Variants in ANP32E observed in about 807,000 individuals in gnomAD.
ANP32E encodes acidic leucine-rich nuclear phosphoprotein 32 family member E.
Under a neutral mutation model 35.3 loss-of-function variants are expected in ANP32E, and 14 were observed. The observed-to-expected ratio is 0.40, with a 90% confidence interval of 0.26 to 0.62. ANP32E has a LOEUF of 0.62. Ranked by LOEUF, ANP32E falls within the 20% of genes least tolerant of loss-of-function variation. The pLI is 0.45. For synonymous variants in ANP32E, 89 were observed against 110.4 expected, an observed-to-expected ratio of 0.81 and a Z score of 1.22; for missense variants, 198 against 304.4, an observed-to-expected ratio of 0.65 and a Z score of 2.60.
At chr1:150,234,090 T>A (rs1649577509) in intron 1 of ANP32E, among the ~76,000 whole-genome samples, 1 of 151,928 alleles carries the variant, frequency 6.6e-6, no homozygotes, top group Admixed American at 6.6e-5. Flanking sequence ...TATACAAATA[T>A]AAGAGACCGT....
intron 3 of ANP32E, 120 bp downstream of exon 3, chr1:150,230,451 G>T: frequency 3.1e-6 from 3 of 970,040 alleles, no homozygotes; most frequent in Non-Finnish European, 2.9e-6. Context: ...TAACTGCCTA[G>T]ATCACAACAT....
chr1:150,236,020 G>GCA lies in ANP32E; in HGVS notation c.-236_-235dup. On this transcript the variant is annotated 5_prime_UTR_variant, in exon 1 of 7. An upstream open reading frame in the 5' UTR gains an earlier in-frame stop. Coordinates refer to ENST00000583931, the MANE Select transcript of ANP32E (RefSeq NM_030920.5). ...CCTCCTTGTCCACACACTAGCGCGCGCACACACACGCACGCACGCGCGCAC... is the reference window on the plus strand; with the variant it reads ...CCTCCTTGTCCACACACTAGCGCGCGCACACACACACGCACGCACGCGCGCAC... 1 of 545,504 alleles carries GCA rather than the reference G, an allele frequency of 1.8e-6. No homozygotes were observed. The highest frequency in any genetic ancestry group is 2.1e-5 in the South Asian group (1 of 48,090). 33.8% of individuals were successfully genotyped at this position (545,504 alleles called of 1,614,324 possible).
chr1:150,230,995 G>A (rs1236450360), intron 2 of ANP32E, among the ~76,000 whole-genome samples: 2 of 151,982 alleles, frequency 1.3e-5, no homozygotes, highest in African/African-American at 2.4e-5. Flanking sequence ...CACCCGCCTC[G>A]GCCTCCCAAA....
intron 6 of ANP32E, among the ~76,000 whole-genome samples, chr1:150,222,077 C>G (rs782121494): frequency 7.3e-5 from 11 of 149,854 alleles, no homozygotes; most frequent in Non-Finnish European, 1.5e-4. Flanking sequence ...TGACAGAGAC[C>G]CTGTCTCAAA....
chr1:150,229,869 C>T (rs1649215520), intron 3 of ANP32E, among the ~76,000 whole-genome samples: 1 of 152,346 alleles, frequency 6.6e-6, no homozygotes, highest in East Asian at 1.9e-4. Flanking sequence ...ACCTCGGCCT[C>T]CCAAAGTGCT....
At chr1:150,222,655 G>A (rs923896845) in intron 6 of ANP32E, among the ~76,000 whole-genome samples, 12 of 151,258 alleles carry the variant, frequency 7.9e-5, no homozygotes, top group Non-Finnish European at 1.0e-4. Flanking sequence ...CTACTTGGGA[G>A]GCTGAGATGG....
At chr1:150,221,596 G>GGAAGGAAGGAAGGAAGGAAGGAA (rs1648404897) in intron 6 of ANP32E, among the ~76,000 whole-genome samples, 4 of 4,310 alleles carry the variant, frequency 9.3e-4, no homozygotes, top group African/African-American at 1.3e-3. Flanking sequence ...GAGGGAGGGA[G>GGAAGGAAGGAAGGAAGGAAGGAA]GGAGGGAGGG....
At chr1:150,223,933 C>T (rs1328906510) in intron 5 of ANP32E, among the ~76,000 whole-genome samples, 1 of 151,712 alleles carries the variant, frequency 6.6e-6, no homozygotes, top group African/African-American at 2.4e-5. Flanking sequence ...ATAGTAGAGA[C>T]AGGGTTTCTC....
At chr1:150,222,049 C>CGA (rs1648449262) in intron 6 of ANP32E, among the ~76,000 whole-genome samples, 1 of 151,800 alleles carries the variant, frequency 6.6e-6, no homozygotes, top group African/African-American at 2.4e-5. Context: ...CCTATGATTG[C>CGA]CACACTGCAC....
Position 150,231,758 on chromosome 1 carries a change from C to T in ANP32E, c.204+19G>A, listed in dbSNP as rs1412302999. The T allele has an allele frequency of 6.2e-7, 1 of 1,600,326 alleles. No homozygotes were observed. Among genetic ancestry groups the T allele is most frequent in the South Asian group, 1.1e-5 (1 of 88,678 alleles). On this transcript the variant is annotated intron_variant, in intron 2 of 6. Coordinates refer to ENST00000583931, the MANE Select transcript of ANP32E (RefSeq NM_030920.5). Reference sequence around the variant, plus strand: ...CCGTGGCATTGAAATCATGATGCTTCACGTAAATGCCAACTTACTTTTCGA... The same window carrying T: ...CCGTGGCATTGAAATCATGATGCTTTACGTAAATGCCAACTTACTTTTCGA...
intron 6 of ANP32E, 83 bp downstream of exon 6, chr1:150,223,103 A>C: frequency 7.1e-7 from 1 of 1,403,848 alleles, no homozygotes; most frequent in Non-Finnish European, 9.6e-7. Flanking sequence ...CATTCTTTAA[A>C]GTGTATGAAA....
chr1:150,220,538 T>C lies in ANP32E; in HGVS notation c.*153A>G. The stretch of plus-strand genomic sequence containing the variant: ...GATCATTAACAGACTAGTTCTTATT[T>C]GGAATGATAAGGCAAAAATAGTAAA... On this transcript the variant is annotated 3_prime_UTR_variant, in exon 7 of 7. Coordinates refer to ENST00000583931, the MANE Select transcript of ANP32E (RefSeq NM_030920.5). 1 of 695,832 alleles carries C rather than the reference T, an allele frequency of 1.4e-6. No individual in the cohort carries two copies. Among genetic ancestry groups the C allele is most frequent in the Non-Finnish European group, 2.4e-6 (1 of 410,608 alleles). 43.1% of individuals were successfully genotyped at this position (695,832 alleles called of 1,614,324 possible). A position where few individuals can be genotyped will look rare whatever the true frequency, so the allele number is the denominator to read the frequency against.
At chr1:150,221,436 CA>C (rs1323526812) in intron 6 of ANP32E, among the ~76,000 whole-genome samples, 132,676 of 132,740 alleles carry the variant, frequency 1, 66,306 homozygotes, top group Middle Eastern at 1. Context: ...AAGACTGTCT[CA>C]AAAAGAGGGA....
Position 150,235,136 on chromosome 1 carries a change from C to A in ANP32E, c.54+597G>T, listed in dbSNP as rs1210782891. On this transcript the variant is annotated intron_variant, in intron 1 of 6. Coordinates refer to ENST00000583931, the MANE Select transcript of ANP32E (RefSeq NM_030920.5). The surrounding 1 kb of genome is among the most constrained non-coding windows in gnomAD (Gnocchi z 4.2). ...GGAGAACCCGCCGCTGACCCAGATT[C>A]CGCCGGGCGAAGGGCAGAGGGCGGC... 6.6e-6 allele frequency among the ~76,000 whole-genome samples: 1 copy of A among 152,216 alleles called. No individual in the cohort carries two copies. The highest frequency in any genetic ancestry group is 2.4e-5 in the African/African-American group (1 of 41,458).
intron 1 of ANP32E, among the ~76,000 whole-genome samples, chr1:150,233,297 G>C (rs923533213): frequency 2.2e-5 from 3 of 133,358 alleles, no homozygotes; most frequent in Non-Finnish European, 4.8e-5. Context: ...AACCTACAAA[G>C]AGAAGAAACT....
Position 150,235,546 on chromosome 1 carries a change from C to T in ANP32E, c.54+187G>A, listed in dbSNP as rs1242409581. Among the ~76,000 whole-genome samples, 1 of 152,204 alleles carries T rather than the reference C, an allele frequency of 6.6e-6. No individual in the cohort carries two copies. The highest frequency in any genetic ancestry group is 1.5e-5 in the Non-Finnish European group (1 of 68,034). ...CAAAAACGCCCCTAGAAACTTCAAC[C>T]CTTCGCCATTTTAAGTAGAAGATTT... On this transcript the variant is annotated intron_variant, in intron 1 of 6. Coordinates refer to ENST00000583931, the MANE Select transcript of ANP32E (RefSeq NM_030920.5). This position sits in a 1 kb window ranked among gnomAD's most constrained non-coding sequence, Gnocchi z 4.2.
rs587690889 is a variant in ANP32E at position 150,232,608 on chromosome 1, T to C, written c.55-682A>G. On this transcript the variant is annotated intron_variant, in intron 1 of 6. Transcript: ENST00000583931. ...GTCTCAGCCTCTGGAGTAGCTGGGA[T>C]TACAGGCGTATGCCACCACTCCCGG... Among the ~76,000 whole-genome samples the C allele has an allele frequency of 2.6e-4, 40 of 151,456 alleles. 1 individual carries two copies. Among genetic ancestry groups the C allele is most frequent in the Admixed American group, 2.3e-3 (35 of 15,194 alleles).
intron 6 of ANP32E, among the ~76,000 whole-genome samples, chr1:150,222,098 GAAATAAAATA>G (rs56336280): frequency 0.2 from 29,627 of 147,552 alleles, 4,272 homozygotes; most frequent in African/African-American, 0.4. Flanking sequence ...ACAATAAAAT[GAAATAAAATA>G]AAATAAAATA....
intron 3 of ANP32E, among the ~76,000 whole-genome samples, chr1:150,229,877 G>C (rs1312309336): frequency 1.3e-5 from 2 of 152,178 alleles, no homozygotes; most frequent in African/African-American, 4.8e-5. Context: ...CTCCCAAAGT[G>C]CTGGGATTAC....
Sources: gnomAD v4.1 joint callset for allele counts (sites outside exome capture counted in the v4.1 genomes callset) on GRCh38, gnomAD v4.1.1 for gene constraint, Gnocchi (gnomAD v3.1) non-coding constraint, MANE v1.5 for transcripts, NCBI Gene and HGNC (gene_info 2026-07-23, HGNC 2026-07-21) for gene names.